Variants in HIVEP3 observed in about 807,000 individuals in gnomAD.
HIVEP3 encodes transcription factor HIVEP3.
Under a neutral mutation model 152.8 loss-of-function variants are expected in HIVEP3, and 49 were observed. That is an observed-to-expected ratio of 0.32 (90% confidence interval 0.26 to 0.41). The LOEUF is 0.41. Ranked by LOEUF, HIVEP3 falls within the 10% of genes least tolerant of loss-of-function variation. The pLI, the probability that HIVEP3 is intolerant of heterozygous loss-of-function variation, is 1.00. For missense variants in HIVEP3, 2,790 were observed against 3,103.3 expected (o/e 0.90, Z 2.40); for synonymous variants, 1,269 against 1,289.0 (o/e 0.98, Z 0.33).
At chr1:41,743,124 G>T (rs1477232826) in intron 1 of HIVEP3, among the ~76,000 whole-genome samples, 1 of 150,844 alleles carries the variant, frequency 6.6e-6, no homozygotes, top group African/African-American at 2.4e-5. Flanking sequence ...GGGGTATGGG[G>T]TATGGGGTAT....
At chr1:41,982,024 G>A (rs1645296573) in intron 1 of HIVEP3, among the ~76,000 whole-genome samples, 2 of 152,224 alleles carry the variant, frequency 1.3e-5, no homozygotes, top group South Asian at 4.1e-4. Flanking sequence ...GGTGGCAGAT[G>A]AACACATGAG....
At chr1:41,690,667 C>T (rs1226700610) in intron 2 of HIVEP3, among the ~76,000 whole-genome samples, 1 of 152,188 alleles carries the variant, frequency 6.6e-6, no homozygotes, top group Non-Finnish European at 1.5e-5. Flanking sequence ...CCTGTAATCC[C>T]AGCACTTTGG....
chr1:41,791,342 T>G (rs1394910082), intron 1 of HIVEP3, among the ~76,000 whole-genome samples: 3 of 152,226 alleles, frequency 2.0e-5, no homozygotes, highest in Non-Finnish European at 2.9e-5. Flanking sequence ...CATTTTGTTT[T>G]GCAAACTCCC....
chr1:41,952,664 T>C (rs917295670), intron 1 of HIVEP3, among the ~76,000 whole-genome samples: 1 of 152,118 alleles, frequency 6.6e-6, no homozygotes, highest in Non-Finnish European at 1.5e-5. Flanking sequence ...CCAGCACATA[T>C]ACCCTTTACA....
chr1:41,661,761 G>C (rs980742635), intron 2 of HIVEP3, among the ~76,000 whole-genome samples: 40 of 152,240 alleles, frequency 2.6e-4, no homozygotes, highest in Non-Finnish European at 3.1e-4. Context: ...GGTGAGCGCC[G>C]CGCCGGGGTG....
intron 1 of HIVEP3, among the ~76,000 whole-genome samples, chr1:41,800,474 G>A (rs1297208342): frequency 6.6e-6 from 1 of 152,252 alleles, no homozygotes; most frequent in Non-Finnish European, 1.5e-5. Context: ...GCCCCTCGAT[G>A]TGAGGGAGGC....
intron 1 of HIVEP3, among the ~76,000 whole-genome samples, chr1:42,001,487 C>A (rs1645427455): frequency 6.6e-6 from 1 of 152,186 alleles, no homozygotes; most frequent in Non-Finnish European, 1.5e-5. Context: ...CATTGTCATG[C>A]TCAATAGTGT....
intron 1 of HIVEP3, among the ~76,000 whole-genome samples, chr1:41,817,239 C>T (rs916289585): frequency 6.6e-6 from 1 of 152,070 alleles, no homozygotes; most frequent in East Asian, 1.9e-4. Context: ...CATTTTTCGG[C>T]CATGAGAAAT....
chr1:41,677,781 CG>C (rs1351897097), intron 2 of HIVEP3, among the ~76,000 whole-genome samples: 2 of 152,226 alleles, frequency 1.3e-5, no homozygotes, highest in African/African-American at 2.4e-5. Context: ...CCCCGCACAT[CG>C]GGCGGTCAGG....
At chr1:41,672,943 T>A (rs1399497399) in intron 2 of HIVEP3, among the ~76,000 whole-genome samples, 1 of 152,248 alleles carries the variant, frequency 6.6e-6, no homozygotes, top group Admixed American at 6.5e-5. Context: ...GGATTAAATG[T>A]CCCTGACGTT....
At chr1:41,856,416 G>A (rs1402349658) in intron 1 of HIVEP3, among the ~76,000 whole-genome samples, 1 of 152,190 alleles carries the variant, frequency 6.6e-6, no homozygotes, top group African/African-American at 2.4e-5. Context: ...GTGAACATCA[G>A]CACGGTCTTG....
At chr1:41,629,895 G>T (rs928663757) in intron 2 of HIVEP3, among the ~76,000 whole-genome samples, 1 of 152,206 alleles carries the variant, frequency 6.6e-6, no homozygotes, top group East Asian at 1.9e-4. Flanking sequence ...CAAACAGAAC[G>T]ACCATTCGAC....
chr1:41,957,960 T>C (rs1160222285), intron 1 of HIVEP3, among the ~76,000 whole-genome samples: 1 of 152,220 alleles, frequency 6.6e-6, no homozygotes, highest in East Asian at 1.9e-4. Flanking sequence ...TTCATAGATA[T>C]CCTGGAAATA....
At chr1:41,607,708 G>A (rs1644840992) in intron 3 of HIVEP3, among the ~76,000 whole-genome samples, 1 of 152,100 alleles carries the variant, frequency 6.6e-6, no homozygotes, top group Non-Finnish European at 1.5e-5. Flanking sequence ...ATGTTGTAAA[G>A]TTAGGATATG....
intron 5 of HIVEP3, among the ~76,000 whole-genome samples, chr1:41,541,530 C>T (rs1191490341): frequency 8.5e-5 from 13 of 152,196 alleles, no homozygotes; most frequent in Admixed American, 8.5e-4. Context: ...ATCACCCTGC[C>T]TGGAATGCTC....
chr1:41,932,410 G>A (rs1248526009), intron 1 of HIVEP3, among the ~76,000 whole-genome samples: 1 of 151,778 alleles, frequency 6.6e-6, no homozygotes, highest in African/African-American at 2.4e-5. Flanking sequence ...ATTTTAGTAT[G>A]TCTGTCCTTC....
intron 1 of HIVEP3, among the ~76,000 whole-genome samples, chr1:41,768,016 T>C (rs767394595): frequency 6.6e-6 from 1 of 152,236 alleles, no homozygotes; most frequent in Non-Finnish European, 1.5e-5. Context: ...CATTGTCATT[T>C]ACAGATGAAG....
At chr1:41,680,155 C>T (rs1280056364) in intron 2 of HIVEP3, among the ~76,000 whole-genome samples, 1 of 152,198 alleles carries the variant, frequency 6.6e-6, no homozygotes, top group Non-Finnish European at 1.5e-5. Context: ...GGCCAGACAG[C>T]TAAGGATGTG....
rs1359514 is a variant in HIVEP3, at chr1:41,915,915, G to A, written c.-801+2498C>T. ...ATCTGCAGATTTGTAAATACACTTT[G>A]ACTCCACAGGAAACAGGATGGAGAA... is the stretch of plus-strand genomic sequence containing the variant. On this transcript the variant is annotated intron_variant, in intron 1 of 8. Transcript: ENST00000372583. Among the ~76,000 whole-genome samples, 1,011 of 152,260 alleles carry A rather than the reference G, an allele frequency of 6.6e-3. 39 individuals are homozygous for A. Among genetic ancestry groups the A allele is most frequent in the Admixed American group, 0.06 (911 of 15,300 alleles).
Sources: allele counts gnomAD v4.1 joint callset (sites outside exome capture counted in the v4.1 genomes callset), GRCh38; gene constraint gnomAD v4.1.1; transcripts MANE v1.5; gene names NCBI Gene and HGNC (gene_info 2026-07-23, HGNC 2026-07-21).